Variants in RANBP3L observed in about 807,000 individuals in gnomAD.
The protein encoded by RANBP3L is ran-binding protein 3-like.
RANBP3L carries 56 observed loss-of-function variants against 67.2 expected under a neutral mutation model. The ratio of observed to expected loss-of-function variants is 0.83; its 90% CI spans 0.67 to 1.04. The LOEUF (loss-of-function observed/expected upper bound fraction) is 1.04. RANBP3L is among the 50% of genes least tolerant of loss of function. RANBP3L has a pLI of 0.00. For missense variants in RANBP3L, 496 were observed against 535.5 expected (o/e 0.93, Z 0.73); for synonymous variants, 164 against 181.4 (o/e 0.90, Z 0.77).
At chr5:36,289,144 T>A (rs1751531887) in intron 1 of RANBP3L, among the ~76,000 whole-genome samples, 1 of 152,138 alleles carries the variant, frequency 6.6e-6, no homozygotes. Context: ...TTTTCCCCAT[T>A]TGTTCCAGGA....
chr5:36,295,822 A>G (rs568551348), intron 1 of RANBP3L, among the ~76,000 whole-genome samples: 74 of 152,114 alleles, frequency 4.9e-4, no homozygotes, highest in African/African-American at 1.8e-3. Context: ...GGATCCTTAC[A>G]TAGTTCCAAG....
rs147205556 is a variant in RANBP3L at position 36,260,840 on chromosome 5, A to G, written c.609T>C (p.Cys203=). The G allele has an allele frequency of 2.0e-6, 3 of 1,529,364 alleles. No individual in the cohort carries two copies. Among genetic ancestry groups the G allele is most frequent in the Admixed American group, 1.7e-5 (1 of 57,900 alleles). 94.7% of individuals were successfully genotyped at this position (1,529,364 alleles called of 1,614,324 possible). ...SVGCQPNEDK[C]SFKSCSSNFV... is the part of the protein sequence containing the mutation. ...AATTGGAACTGCAGCTTTTAAAAGA[A>G]CATTTATCTTCATTTGGTTGACATC... The change falls in exon 8 of 14, where the codon TGT becomes TGC. Residue 203 remains cysteine (C), a synonymous_variant. Coordinates refer to ENST00000296604, the MANE Select transcript of RANBP3L (RefSeq NM_145000.5).
At chr5:36,258,028 A>G (rs1749116034) in intron 8 of RANBP3L, among the ~76,000 whole-genome samples, 1 of 152,192 alleles carries the variant, frequency 6.6e-6, no homozygotes, top group Admixed American at 6.6e-5. Flanking sequence ...AACATATACC[A>G]AGGTATTTCA....
At chr5:36,264,180 C>T (rs981411918) in intron 6 of RANBP3L, among the ~76,000 whole-genome samples, 3 of 152,112 alleles carry the variant, frequency 2.0e-5, no homozygotes, top group East Asian at 3.9e-4. Flanking sequence ...TTTACACTTC[C>T]GTGTTTCTGT....
intron 6 of RANBP3L, among the ~76,000 whole-genome samples, chr5:36,263,804 A>C (rs554687857): frequency 2.8e-4 from 43 of 152,358 alleles, no homozygotes; most frequent in Admixed American, 6.5e-4. Flanking sequence ...TAGGATTAAA[A>C]GAGTGAGCCA....
At chr5:36,294,626 A>G (rs1212246492) in intron 1 of RANBP3L, among the ~76,000 whole-genome samples, 1 of 151,778 alleles carries the variant, frequency 6.6e-6, no homozygotes, top group African/African-American at 2.4e-5. Context: ...GGTTTCAAAG[A>G]ACATTTTTAT....
intron 1 of RANBP3L, among the ~76,000 whole-genome samples, chr5:36,287,145 C>T (rs1751383718): frequency 6.6e-6 from 1 of 152,158 alleles, no homozygotes; most frequent in Non-Finnish European, 1.5e-5. Context: ...CCTTCACATG[C>T]ACAGTTCACA....
chr5:36,297,540 A>T (rs1435893333), intron 1 of RANBP3L, among the ~76,000 whole-genome samples: 1 of 152,184 alleles, frequency 6.6e-6, no homozygotes, highest in African/African-American at 2.4e-5. Flanking sequence ...AATAATGTAT[A>T]TGAGACCATT....
intron 4 of RANBP3L, chr5:36,268,221 G>T (rs1424016363): frequency 8.4e-6 from 13 of 1,540,674 alleles, no homozygotes; most frequent in South Asian, 3.6e-5. Context: ...AGGTTGGGAG[G>T]TTAGTGACGG....
At chr5:36,278,599 C>G (rs924626367) in intron 1 of RANBP3L, among the ~76,000 whole-genome samples, 4 of 152,114 alleles carry the variant, frequency 2.6e-5, no homozygotes, top group African/African-American at 9.7e-5. Flanking sequence ...CTAGTAGAGA[C>G]TAAACCTGTG....
At chr5:36,273,013 T>A (rs929288789) in intron 1 of RANBP3L, among the ~76,000 whole-genome samples, 1 of 152,120 alleles carries the variant, frequency 6.6e-6, no homozygotes, top group Non-Finnish European at 1.5e-5. Context: ...CAGCAGAAAA[T>A]CTTCACTAAT....
chr5:36,293,909 G>A, intron 1 of RANBP3L, among the ~76,000 whole-genome samples: 1 of 148,680 alleles, frequency 6.7e-6, no homozygotes, highest in Non-Finnish European at 1.5e-5. Flanking sequence ...GATGATGCTG[G>A]CCTCATAGAA....
rs539332697 is a variant in RANBP3L at position 36,247,962 on chromosome 5, G to A, written c.*1692C>T. 1.1e-4 allele frequency among the ~76,000 whole-genome samples: 16 copies of A among 152,282 alleles called. No homozygotes were observed. The South Asian group carries it at 3.3e-3, about 32-fold the overall frequency. On this transcript the variant is annotated 3_prime_UTR_variant, in exon 14 of 14. Coordinates refer to ENST00000296604, the MANE Select transcript of RANBP3L (RefSeq NM_145000.5). The stretch of plus-strand genomic sequence containing the variant: ...TAGCAATTTATAGTGCAATCACAAT[G>A]TTCCCACATCAGCTGAGATCTTAAC...
chr5:36,291,718 A>G (rs1252121298), intron 1 of RANBP3L, among the ~76,000 whole-genome samples: 3 of 145,250 alleles, frequency 2.1e-5, no homozygotes, highest in Non-Finnish European at 4.5e-5. Context: ...GTCCCTACAA[A>G]GGACATGAAC....
intron 8 of RANBP3L, among the ~76,000 whole-genome samples, chr5:36,258,966 T>C (rs1749181613): frequency 6.6e-6 from 1 of 152,238 alleles, no homozygotes; most frequent in Non-Finnish European, 1.5e-5. Flanking sequence ...AGATCAATGC[T>C]TTATATACCG....
At chr5:36,265,207 G>T in intron 5 of RANBP3L, 109 bp from the exon 6 acceptor site, 1 of 759,972 alleles carries the variant, frequency 1.3e-6, no homozygotes, top group Non-Finnish European at 2.0e-6. Context: ...TTAAATGAGG[G>T]ACTAGCGTTA....
Position 36,256,850 on chromosome 5 carries a change from C to A in RANBP3L, c.903+91G>T, listed in dbSNP as rs749409223. ...CTTAGTCTCCATGAAAACTATACTT[C>A]TGTCTGTATTTTTAAAGATGCCTCT... On this transcript the variant is annotated intron_variant, in intron 10 of 13. Coordinates refer to ENST00000296604, the MANE Select transcript of RANBP3L (RefSeq NM_145000.5). 12 of 1,216,740 alleles carry A rather than the reference C, an allele frequency of 9.9e-6. No homozygotes were observed. The Admixed American group carries it at 2.5e-4, about 25-fold the overall frequency. 75.4% of individuals were successfully genotyped at this position (1,216,740 alleles called of 1,614,324 possible).
chr5:36,261,915 G>T (rs207465923), intron 7 of RANBP3L, 24 bp downstream of exon 7: 1 of 1,052,194 alleles, frequency 9.5e-7, no homozygotes, highest in Non-Finnish European at 1.4e-6. Context: ...AAAGGACAAC[G>T]CTTCTATTTT....
At chr5:36,253,940 A>G in intron 11 of RANBP3L, 151 bp from the exon 12 acceptor site, 1 of 678,840 alleles carries the variant, frequency 1.5e-6, no homozygotes, top group Non-Finnish European at 2.2e-6. Context: ...TTGATTTTCA[A>G]ATCATACTTT....
Sources: gnomAD v4.1 joint callset for allele counts (sites outside exome capture counted in the v4.1 genomes callset) on GRCh38, gnomAD v4.1.1 for gene constraint, MANE v1.5 for transcripts, NCBI Gene and HGNC (gene_info 2026-07-23, HGNC 2026-07-21) for gene names.